PDSS2: variants seen among roughly 807,000 people sequenced by gnomAD.
PDSS2 encodes the protein decaprenyl diphosphate synthase subunit 2.
A neutral mutation model predicts 44.5 loss-of-function variants in PDSS2; 31 were observed. The observed-to-expected ratio is 0.70, with a 90% CI of 0.52 to 0.94. The LOEUF is 0.94. Ranked by LOEUF, PDSS2 falls within the 40% of genes least tolerant of loss-of-function variation. The pLI is 0.00. For synonymous variants in PDSS2, 157 were observed against 180.3 expected (o/e 0.87, Z 1.03); for missense variants, 452 against 482.2 (o/e 0.94, Z 0.59).
rs548605996 is a variant in PDSS2, at chr6:107,355,019, G to A, written c.297-20687C>T. On this transcript the variant is annotated intron_variant, in intron 1 of 7. Coordinates refer to ENST00000369037, the MANE Select transcript of PDSS2 (RefSeq NM_020381.4). ...ATGATTTCGGCTCACTGCAACCTCC[G>A]CCTCCTGGGTTCAAGCAATTCTCCT... Among the ~76,000 whole-genome samples the A allele has an allele frequency of 8.2e-4, 124 of 151,716 alleles. 1 individual carries two copies. The highest frequency in any genetic ancestry group is 6.4e-3 in the Admixed American group (97 of 15,226).
In PDSS2 at chr6:107,216,852, A is replaced by G. The variant is rs1039962535; in HGVS notation, c.703-4570T>C. Among the ~76,000 whole-genome samples the G allele has an allele frequency of 2.6e-5, 4 of 152,188 alleles. No homozygotes were observed. In the East Asian group the frequency reaches 7.7e-4, roughly 29 times the overall value. ...ACCAGATACTATAACATGCTGTAAA[A>G]TCTCAGAAATTTTAAAAATATGTAC... On this transcript the variant is annotated intron_variant, in intron 4 of 7. Coordinates refer to ENST00000369037, the MANE Select transcript of PDSS2 (RefSeq NM_020381.4).
chr6:107,406,752 A>G (rs1377551493), intron 1 of PDSS2, among the ~76,000 whole-genome samples: 1 of 152,214 alleles, frequency 6.6e-6, no homozygotes, highest in African/African-American at 2.4e-5. Flanking sequence ...TCAAATTCAC[A>G]AGAGAAGAAC....
chr6:107,179,982 G>T (rs1771915491), intron 7 of PDSS2, among the ~76,000 whole-genome samples: 1 of 152,266 alleles, frequency 6.6e-6, no homozygotes, highest in South Asian at 2.1e-4. Flanking sequence ...ATGAATCTAG[G>T]TAACGATATC....
chr6:107,257,359 G>A (rs1460193709), intron 3 of PDSS2, among the ~76,000 whole-genome samples: 3 of 151,388 alleles, frequency 2.0e-5, no homozygotes, highest in African/African-American at 7.3e-5. Context: ...GCACCATAGA[G>A]AGACTCTGTG....
rs763713110 is a variant in PDSS2 at position 107,459,299 on chromosome 6, A to T, written c.-14T>A. The T allele has an allele frequency of 6.2e-7, 1 of 1,613,198 alleles. No individual in the cohort carries two copies. Among genetic ancestry groups the T allele is most frequent in the South Asian group, 1.1e-5 (1 of 91,070 alleles). On this transcript the variant is annotated 5_prime_UTR_variant, in exon 1 of 8. Coordinates refer to ENST00000369037, the MANE Select transcript of PDSS2 (RefSeq NM_020381.4). The surrounding 1 kb of genome is among the most constrained non-coding windows in gnomAD (Gnocchi z 4.3). ...CCGAAAGTTCATGGTTTGAGTCTGG[A>T]AGGGTCTGGGACCTGGGGGTATCCA...
intron 7 of PDSS2, among the ~76,000 whole-genome samples, chr6:107,190,903 T>C (rs920372321): frequency 5.9e-5 from 9 of 152,064 alleles, no homozygotes; most frequent in African/African-American, 2.2e-4. Flanking sequence ...TGAAGGGGTT[T>C]TTTTTTGAGA....
chr6:107,434,556 T>C (rs1781290340), intron 1 of PDSS2, among the ~76,000 whole-genome samples: 2 of 152,068 alleles, frequency 1.3e-5, no homozygotes, highest in Non-Finnish European at 2.9e-5. Flanking sequence ...ATTAAAACAA[T>C]TGAACTTATG....
chr6:107,182,400 C>A (rs1279699379), intron 7 of PDSS2, among the ~76,000 whole-genome samples: 1 of 152,198 alleles, frequency 6.6e-6, no homozygotes, highest in Non-Finnish European at 1.5e-5. Flanking sequence ...TCTCAGCTCA[C>A]TGCAACCTCT....
chr6:107,165,570 T>A (rs1649988969), intron 7 of PDSS2, among the ~76,000 whole-genome samples: 1 of 152,222 alleles, frequency 6.6e-6, no homozygotes. Context: ...TACTTTAGCC[T>A]TGTAGTATAG....
chr6:107,310,684 G>C (rs1777016083), intron 2 of PDSS2, among the ~76,000 whole-genome samples: 1 of 152,122 alleles, frequency 6.6e-6, no homozygotes, highest in Non-Finnish European at 1.5e-5. Flanking sequence ...TCTATGAAGA[G>C]AGTATTTAAG....
intron 1 of PDSS2, among the ~76,000 whole-genome samples, chr6:107,396,921 A>G (rs1441402699): frequency 2.0e-5 from 3 of 152,010 alleles, no homozygotes; most frequent in African/African-American, 4.8e-5. Context: ...CTGAACTCCA[A>G]GCTCAAGTGA....
At chr6:107,247,160 C>T (rs1323347527) in intron 3 of PDSS2, among the ~76,000 whole-genome samples, 2 of 152,188 alleles carry the variant, frequency 1.3e-5, no homozygotes, top group Admixed American at 1.3e-4. Context: ...ATCCCAAGAT[C>T]CCCCTGATGG....
chr6:107,226,527 A>C (rs1436965510), intron 4 of PDSS2, among the ~76,000 whole-genome samples: 1 of 152,150 alleles, frequency 6.6e-6, no homozygotes, highest in African/African-American at 2.4e-5. Context: ...AGGATGGCCC[A>C]TACAGAGGAG....
At chr6:107,431,313 C>A (rs189653285) in intron 1 of PDSS2, among the ~76,000 whole-genome samples, 6 of 152,246 alleles carry the variant, frequency 3.9e-5, no homozygotes, top group Non-Finnish European at 7.4e-5. Context: ...AGTGCAGTAG[C>A]GCAATCATGG....
intron 7 of PDSS2, among the ~76,000 whole-genome samples, chr6:107,186,063 G>A (rs772194123): frequency 6.6e-6 from 1 of 152,194 alleles, no homozygotes; most frequent in Non-Finnish European, 1.5e-5. Context: ...GCCTTACACA[G>A]TTAAACAGCT....
At chr6:107,444,859 C>T (rs1253846659) in intron 1 of PDSS2, among the ~76,000 whole-genome samples, 1 of 152,122 alleles carries the variant, frequency 6.6e-6, no homozygotes, top group Admixed American at 6.5e-5. Flanking sequence ...TGTCATAATT[C>T]GTCTCCAATA....
At chr6:107,217,550 T>TA (rs879508744) in intron 4 of PDSS2, among the ~76,000 whole-genome samples, 210 of 140,658 alleles carry the variant, frequency 1.5e-3, no homozygotes, top group Non-Finnish European at 1.3e-3. Context: ...TTCTGACCAA[T>TA]AAAAAAAAAA....
At chr6:107,189,991 A>G (rs1042742206) in intron 7 of PDSS2, among the ~76,000 whole-genome samples, 3 of 152,052 alleles carry the variant, frequency 2.0e-5, no homozygotes, top group African/African-American at 7.2e-5. Context: ...GTCTGAGGCA[A>G]GAGGATCATT....
At chr6:107,199,084 C>A (rs1381153330) in intron 6 of PDSS2, among the ~76,000 whole-genome samples, 3 of 152,110 alleles carry the variant, frequency 2.0e-5, no homozygotes, top group Non-Finnish European at 4.4e-5. Context: ...TAAATACTAT[C>A]CTTATTCTTT....
Sources: allele counts gnomAD v4.1 joint callset (sites outside exome capture counted in the v4.1 genomes callset), GRCh38; gene constraint gnomAD v4.1.1; non-coding constraint Gnocchi (gnomAD v3.1); transcripts MANE v1.5; gene names NCBI Gene and HGNC (gene_info 2026-07-23, HGNC 2026-07-21).